Variants in ERG observed in about 807,000 individuals in gnomAD.
ERG encodes the protein transcriptional regulator ERG.
ERG carries 9 observed loss-of-function variants against 55.3 expected under a neutral mutation model. The observed-to-expected ratio is 0.16, with a 90% confidence interval of 0.10 to 0.28. The LOEUF (loss-of-function observed/expected upper bound fraction) is 0.28, where lower values mean the gene tolerates loss of function less well. ERG is among the 10% of genes least tolerant of loss of function. The pLI is 1.00. For missense variants in ERG, 434 were observed against 631.6 expected (o/e 0.69, Z 3.35); for synonymous variants, 223 against 237.3 (o/e 0.94, Z 0.55).
intron 1 of ERG, among the ~76,000 whole-genome samples, chr21:38,449,795 C>A (rs2058924156): frequency 6.6e-6 from 1 of 152,142 alleles, no homozygotes; most frequent in Admixed American, 6.5e-5. Flanking sequence ...ATTGTTAATA[C>A]AGAGAATCCA....
At chr21:38,404,901 T>A (rs1214820463) in intron 3 of ERG, among the ~76,000 whole-genome samples, 1 of 152,238 alleles carries the variant, frequency 6.6e-6, no homozygotes, top group African/African-American at 2.4e-5. Flanking sequence ...GCTGCTGCAA[T>A]ACATTTTTAG....
chr21:38,527,539 G>A (rs1019910620), intron 2 of ERG, among the ~76,000 whole-genome samples: 5 of 152,192 alleles, frequency 3.3e-5, no homozygotes, highest in Non-Finnish European at 5.9e-5. Flanking sequence ...AGCTGATGAT[G>A]AACAGGGCTG....
intron 2 of ERG, among the ~76,000 whole-genome samples, chr21:38,566,174 A>G (rs1000380148): frequency 4.6e-5 from 7 of 152,200 alleles, no homozygotes; most frequent in African/African-American, 1.7e-4. Context: ...GGATTTTGCG[A>G]TCAGAAGGTA....
chr21:38,427,574 C>T (rs1989893575), intron 2 of ERG, among the ~76,000 whole-genome samples: 1 of 152,176 alleles, frequency 6.6e-6, no homozygotes, highest in Admixed American at 6.5e-5. Flanking sequence ...AATGAGACTT[C>T]AGTGCGGGTG....
At chr21:38,476,369 G>A (rs574104156) in intron 1 of ERG, among the ~76,000 whole-genome samples, 5 of 152,168 alleles carry the variant, frequency 3.3e-5, no homozygotes, top group Non-Finnish European at 7.3e-5. Flanking sequence ...TCCACGTTTA[G>A]GTTTAGGAGC....
At chr21:38,650,901 T>C (rs1354599223) in intron 1 of ERG, among the ~76,000 whole-genome samples, 1 of 152,244 alleles carries the variant, frequency 6.6e-6, no homozygotes, top group East Asian at 1.9e-4. Context: ...TTAGTTGATG[T>C]GCTTTCTTCC....
intron 2 of ERG, among the ~76,000 whole-genome samples, chr21:38,555,423 T>G (rs1437407387): frequency 2.0e-5 from 3 of 152,066 alleles, no homozygotes; most frequent in African/African-American, 7.2e-5. Context: ...TGTCAAAAAT[T>G]TTCTATTTTC....
At chr21:38,445,326 T>C in intron 2 of ERG, 78 bp downstream of exon 2, 2 of 1,127,652 alleles carry the variant, frequency 1.8e-6, no homozygotes, top group Non-Finnish European at 2.6e-6. Flanking sequence ...TAGAGAAGCA[T>C]GACTGACTTC....
intron 1 of ERG, among the ~76,000 whole-genome samples, chr21:38,493,718 G>A (rs530388120): frequency 5.3e-5 from 8 of 152,182 alleles, no homozygotes; most frequent in South Asian, 2.1e-4. Context: ...GCACCACCTC[G>A]GGCGACCCCT....
intron 2 of ERG, among the ~76,000 whole-genome samples, chr21:38,548,448 T>C (rs2059801661): frequency 6.7e-6 from 1 of 148,866 alleles, no homozygotes. Flanking sequence ...CATTATCATA[T>C]GATTTTTTTT....
At chr21:38,509,034 G>A (rs926715689) in intron 2 of ERG, among the ~76,000 whole-genome samples, 5 of 152,160 alleles carry the variant, frequency 3.3e-5, no homozygotes, top group African/African-American at 1.2e-4. Context: ...TATAAATGAA[G>A]AAACCAAGAT....
intron 1 of ERG, among the ~76,000 whole-genome samples, chr21:38,456,804 T>G (rs1196314310): frequency 6.6e-6 from 1 of 152,204 alleles, no homozygotes. Context: ...TCAGAAGATT[T>G]TTCCAGCACA....
At chr21:38,617,982 C>G (rs911899764) in intron 1 of ERG, among the ~76,000 whole-genome samples, 1 of 152,124 alleles carries the variant, frequency 6.6e-6, no homozygotes, top group Non-Finnish European at 1.5e-5. Context: ...GGAGCAGCAC[C>G]TGGCAGGACG....
chr21:38,480,591 C>CTTTTTTTTTTTTTT lies in ERG; in HGVS notation c.18+17758_18+17771dup, dbSNP rs544037525. ...TTGCCACTTTAGGGCACTATATGGC[C>CTTTTTTTTTTTTTT]TTTTTTTTTTTTTTTTTTTTTTTGC... On this transcript the variant is annotated intron_variant, in intron 1 of 9. Coordinates refer to ENST00000288319, the MANE Select transcript of ERG (RefSeq NM_182918.4). Among the ~76,000 whole-genome samples the CTTTTTTTTTTTTTT allele has an allele frequency of 7.3e-3, 375 of 51,132 alleles. 55 individuals carry two copies. Among genetic ancestry groups the CTTTTTTTTTTTTTT allele is most frequent in the Admixed American group, 9.3e-3 (31 of 3,316 alleles). 33.5% of individuals were successfully genotyped at this position (51,132 alleles called of 152,430 possible).
chr21:38,495,307 C>A (rs1293241001), intron 1 of ERG, among the ~76,000 whole-genome samples: 1 of 152,170 alleles, frequency 6.6e-6, no homozygotes, highest in Non-Finnish European at 1.5e-5. Context: ...CCTATCAGGT[C>A]GTGTTTCAAT....
chr21:38,375,972 G>C (rs979885980), downstream of ERG, among the ~76,000 whole-genome samples: 3 of 152,104 alleles, frequency 2.0e-5, no homozygotes, highest in Non-Finnish European at 1.5e-5. Flanking sequence ...TAACTTCCTA[G>C]CATCATATGA....
intron 2 of ERG, among the ~76,000 whole-genome samples, chr21:38,506,636 C>A (rs183374636): frequency 9.9e-5 from 15 of 152,238 alleles, no homozygotes; most frequent in Admixed American, 3.9e-4. Flanking sequence ...AGAAATATAA[C>A]CAATTTTGCA....
At chr21:38,633,234 GA>G (rs2060367823) in intron 1 of ERG, among the ~76,000 whole-genome samples, 1 of 152,230 alleles carries the variant, frequency 6.6e-6, no homozygotes, top group African/African-American at 2.4e-5. Context: ...AAAGTAGGGA[GA>G]GGGGAGTTAT....
intron 1 of ERG, among the ~76,000 whole-genome samples, chr21:38,650,414 C>T (rs2060481918): frequency 6.6e-6 from 1 of 152,148 alleles, no homozygotes; most frequent in Non-Finnish European, 1.5e-5. Context: ...GGCAGGAGGA[C>T]TGCCTGAACT....
Sources: gnomAD v4.1 joint callset for allele counts (sites outside exome capture counted in the v4.1 genomes callset) on GRCh38, gnomAD v4.1.1 for gene constraint, MANE v1.5 for transcripts, NCBI Gene and HGNC (gene_info 2026-07-23, HGNC 2026-07-21) for gene names.